SLIT2: variants seen among roughly 807,000 people sequenced by gnomAD.
SLIT2 encodes the protein slit homolog 2 protein.
Under a neutral mutation model 185.7 loss-of-function variants are expected in SLIT2, and 41 were observed. The observed-to-expected ratio is 0.22, with a 90% CI of 0.17 to 0.29. The LOEUF is 0.29. SLIT2 is among the 10% of genes least tolerant of loss of function. SLIT2 has a pLI of 1.00. For missense variants in SLIT2, 1,571 were observed against 1,909.0 expected, an observed-to-expected ratio of 0.82 and a Z score of 3.30; for synonymous variants, 693 against 680.2, an observed-to-expected ratio of 1.02 and a Z score of -0.29.
chr4:20,552,582 ACAT>A (rs1723867306), intron 25 of SLIT2: 1 of 152,110 alleles, frequency 6.6e-6, no homozygotes, highest in African/African-American at 2.4e-5. Context: ...TGACTAAAAA[ACAT>A]CATTTTGCTC....
chr4:20,414,435 A>G (rs774029011), intron 4 of SLIT2, among the ~76,000 whole-genome samples: 5 of 152,166 alleles, frequency 3.3e-5, no homozygotes, highest in African/African-American at 7.2e-5. Flanking sequence ...ATATTTACCT[A>G]TACAGTTACC....
At chr4:20,540,296 A>T (rs1304861408) in intron 19 of SLIT2, among the ~76,000 whole-genome samples, 1 of 152,000 alleles carries the variant, frequency 6.6e-6, no homozygotes, top group African/African-American at 2.4e-5. Flanking sequence ...TCAAGGAAAA[A>T]AAAAAAAAGA....
chr4:20,395,662 C>G (rs2109382162), intron 4 of SLIT2, among the ~76,000 whole-genome samples: 1 of 151,960 alleles, frequency 6.6e-6, no homozygotes, highest in African/African-American at 2.4e-5. Flanking sequence ...AAATACATTA[C>G]CTTTATAAAT....
chr4:20,360,024 T>C (rs1392570311), intron 4 of SLIT2, among the ~76,000 whole-genome samples: 1 of 152,080 alleles, frequency 6.6e-6, no homozygotes, highest in Non-Finnish European at 1.5e-5. Context: ...GGTACCTAGG[T>C]AGGAAAATGA....
At chr4:20,511,033 T>C in intron 10 of SLIT2, 33 bp from the exon 11 acceptor site, 1 of 1,363,822 alleles carries the variant, frequency 7.3e-7, no homozygotes. Flanking sequence ...TGACATTTGA[T>C]TGAATGTAAC....
intron 4 of SLIT2, among the ~76,000 whole-genome samples, chr4:20,344,615 T>G (rs1207591652): frequency 6.6e-6 from 1 of 152,204 alleles, no homozygotes; most frequent in Non-Finnish European, 1.5e-5. Context: ...ACTTCCAAAG[T>G]CTTCACACAT....
chr4:20,398,070 C>T (rs559937196), intron 4 of SLIT2, among the ~76,000 whole-genome samples: 2 of 151,768 alleles, frequency 1.3e-5, no homozygotes, highest in South Asian at 2.1e-4. Context: ...ACATGAGGTA[C>T]CTAGTGTGAG....
chr4:20,556,423 A>G (rs997943642), intron 26 of SLIT2, among the ~76,000 whole-genome samples: 7 of 152,008 alleles, frequency 4.6e-5, no homozygotes, highest in Non-Finnish European at 1.5e-5. Context: ...GCTTATCTGT[A>G]TTTCTTAAAG....
chr4:20,582,551 C>A (rs1726676502), intron 29 of SLIT2, among the ~76,000 whole-genome samples: 1 of 152,142 alleles, frequency 6.6e-6, no homozygotes, highest in Admixed American at 6.5e-5. Flanking sequence ...CCTCTTCATC[C>A]CAAGTAAGCC....
At position 20,488,836 on chromosome 4, in the gene SLIT2, A is replaced by G; in HGVS notation, c.629A>G (p.Asn210Ser). The G allele has an allele frequency of 6.3e-7, 1 of 1,594,604 alleles. No individual in the cohort carries two copies. Among genetic ancestry groups the G allele is most frequent in the South Asian group, 1.1e-5 (1 of 88,232 alleles). ...TCATTTAGTCGACTGCATTCAAACA[A>G]CCTGTATTGTGACTGCCACCTGGCC... ...KLRTFRLHSN[N>S]LYCDCHLAWL... The change falls in exon 8 of 37, where the codon AAC becomes AGC. Residue 210 changes from asparagine to serine, a missense_variant. Physicochemically the swap from Asn to Ser is conservative, Grantham distance 46. Around this residue, in one of 3 missense-constraint regions of SLIT2, gnomAD observed 1,202 missense variants for 1,416.4 expected, o/e 0.85. Coordinates refer to ENST00000504154, the MANE Select transcript of SLIT2 (RefSeq NM_004787.4).
intron 4 of SLIT2, among the ~76,000 whole-genome samples, chr4:20,431,297 T>C (rs777381361): frequency 6.6e-6 from 1 of 152,164 alleles, no homozygotes; most frequent in Non-Finnish European, 1.5e-5. Context: ...TGGAAGGGGA[T>C]GGAGTAGGAA....
intron 4 of SLIT2, among the ~76,000 whole-genome samples, chr4:20,290,403 CAT>C (rs1715682329): frequency 6.6e-6 from 1 of 152,146 alleles, no homozygotes; most frequent in Admixed American, 6.5e-5. Flanking sequence ...ATAGCATTTA[CAT>C]TACATTAGTT....
rs1188473106 is a variant in SLIT2 at position 20,252,183 on chromosome 4, G to C, written c.-1633G>C. Among the ~76,000 whole-genome samples the C allele has an allele frequency of 6.6e-6, 1 of 151,898 alleles. No homozygotes were observed. The highest frequency in any genetic ancestry group is 1.5e-5 in the Non-Finnish European group (1 of 67,968). The stretch of plus-strand genomic sequence containing the variant: ...CCGGGTTTTTGTTTGGCTACGCTGA[G>C]CGCCAGTCAGCCCCAGCGAACAACT... On this transcript the variant is annotated 5_prime_UTR_variant, in exon 1 of 37. Transcript: ENST00000504154.
chr4:20,353,012 T>C (rs546027537), intron 4 of SLIT2, among the ~76,000 whole-genome samples: 1 of 152,340 alleles, frequency 6.6e-6, no homozygotes, highest in East Asian at 1.9e-4. Flanking sequence ...TGTATAATCA[T>C]CTAGAGATGC....
chr4:20,518,122 TATATAC>T (rs1296556494), intron 11 of SLIT2, among the ~76,000 whole-genome samples: 37 of 143,120 alleles, frequency 2.6e-4, no homozygotes, highest in Admixed American at 3.5e-4. Context: ...CATATACATA[TATATAC>T]ATATACATAT....
At chr4:20,267,552 A>AT (rs1018261559) in intron 3 of SLIT2, among the ~76,000 whole-genome samples, 9 of 151,748 alleles carry the variant, frequency 5.9e-5, no homozygotes, top group African/African-American at 2.2e-4. Context: ...AAATTATATC[A>AT]TTTTCCAAAA....
chr4:20,531,692 C>T (rs1358829288), intron 16 of SLIT2, among the ~76,000 whole-genome samples: 4 of 149,794 alleles, frequency 2.7e-5, no homozygotes, highest in Admixed American at 6.7e-5. Flanking sequence ...TTAGTGGGGA[C>T]GATAGTGGAA....
At chr4:20,572,341 A>G (rs901272753) in intron 29 of SLIT2, among the ~76,000 whole-genome samples, 1 of 152,236 alleles carries the variant, frequency 6.6e-6, no homozygotes, top group Admixed American at 6.5e-5. Flanking sequence ...ATGAATCTAA[A>G]TTAACATCCC....
At chr4:20,299,709 C>G (rs1045869408) in intron 4 of SLIT2, among the ~76,000 whole-genome samples, 9 of 150,762 alleles carry the variant, frequency 6.0e-5, no homozygotes, top group African/African-American at 2.2e-4. Flanking sequence ...AAAATGTGGA[C>G]TTTTTAAGGC....
Sources: gnomAD v4.1 joint callset for allele counts (sites outside exome capture counted in the v4.1 genomes callset) on GRCh38, gnomAD v4.1.1 for gene constraint, gnomAD v4.1.1 regional missense constraint, MANE v1.5 for transcripts, NCBI Gene and HGNC (gene_info 2026-07-23, HGNC 2026-07-21) for gene names.